Variants in AAMP observed in about 807,000 individuals in gnomAD.
AAMP encodes the protein angio associated migratory cell protein, also known as angio-associated migratory cell protein.
In AAMP, 12 loss-of-function variants were observed where a neutral mutation model predicts 51.1. The ratio of observed to expected loss-of-function variants is 0.23; its 90% CI spans 0.15 to 0.38. The LOEUF is 0.38. Ranked by LOEUF, AAMP falls within the 10% of genes least tolerant of loss-of-function variation. The pLI is 1.00. For synonymous variants in AAMP, 210 were observed against 218.7 expected (o/e 0.96, Z 0.35); for missense variants, 418 against 557.2 (o/e 0.75, Z 2.52).
At position 218,266,167 on chromosome 2, in the gene AAMP, A is replaced by T. The variant is rs370369629; in HGVS notation, c.680-20T>A. ...TCTTCCCTGAAGAGAGGCACAGATG[A>T]AGAGAGGGCAGAGGGCACGCTCACA... On this transcript the variant is annotated intron_variant, in intron 5 of 10. Coordinates refer to ENST00000248450, the MANE Select transcript of AAMP (RefSeq NM_001087.5). The surrounding 1 kb of genome is among the most constrained non-coding windows in gnomAD (Gnocchi z 4.7). The T allele has an allele frequency of 1.7e-4, 271 of 1,609,652 alleles. 1 individual carries two copies. The highest frequency in any genetic ancestry group is 9.9e-4 in the Middle Eastern group (6 of 6,068).
In AAMP at chr2:218,266,885, T is replaced by C; in HGVS notation, c.496A>G (p.Lys166Glu). 3.1e-6 allele frequency: 5 copies of C among 1,614,122 alleles called. No homozygotes were observed. The highest frequency in any genetic ancestry group is 4.2e-6 in the Non-Finnish European group (5 of 1,180,016). The change falls in exon 4 of 11, where the codon AAG becomes GAG. Residue 166 changes from lysine (K) to glutamate (E), a missense_variant. Lys to Glu is a moderately conservative substitution (Grantham distance 56, BLOSUM62 1). Transcript: ENST00000248450. The surrounding 1 kb of genome is among the most constrained non-coding windows in gnomAD (Gnocchi z 4.7). The stretch of plus-strand genomic sequence containing the variant: ...GCTTCAAAGGACCAGACCTCCTCCT[T>C]AGTGTCCACCTGCCACACTTTCAAG... ...GLLKVWQVDTKEEVWSFEAGD... is the reference protein window; with the variant it reads ...GLLKVWQVDTEEEVWSFEAGD...
At chr2:218,264,927 T>G (rs1244889355) in intron 10 of AAMP, 93 bp downstream of exon 10, 4 of 1,567,894 alleles carry the variant, frequency 2.6e-6, no homozygotes, top group Non-Finnish European at 3.5e-6. Context: ...GCCTTAGGAA[T>G]CCCTTCCCAC....
At position 218,265,509 on chromosome 2, in the gene AAMP, A is replaced by G. The variant is rs1192674355; in HGVS notation, c.984-48T>C. ...AAGACTCATGAGGGCCTGGACTCAC[A>G]CGCCCTGCCGTCCTCCCGGGCCCCC... On this transcript the variant is annotated intron_variant, in intron 8 of 10. Transcript: ENST00000248450. This position sits in a 1 kb window ranked among gnomAD's most constrained non-coding sequence, Gnocchi z 6.6. 1 of 1,574,976 alleles carries G rather than the reference A, an allele frequency of 6.3e-7. No homozygotes were observed. The highest frequency in any genetic ancestry group is 1.7e-5 in the Admixed American group (1 of 58,380).
chr2:218,266,666 G>C lies in AAMP; in HGVS notation c.535-79C>G. The C allele has an allele frequency of 6.4e-7, 1 of 1,565,882 alleles. No individual in the cohort carries two copies. Among genetic ancestry groups the C allele is most frequent in the Non-Finnish European group, 8.7e-7 (1 of 1,152,568 alleles). ...AGCCTGCCCCATGAGCTCCACCCAAGGTTTCCTGCCTCTGGGGTTCCGCGG... is the reference window on the plus strand; with the variant it reads ...AGCCTGCCCCATGAGCTCCACCCAACGTTTCCTGCCTCTGGGGTTCCGCGG... On this transcript the variant is annotated intron_variant, in intron 4 of 10. Coordinates refer to ENST00000248450, the MANE Select transcript of AAMP (RefSeq NM_001087.5). This position sits in a 1 kb window ranked among gnomAD's most constrained non-coding sequence, Gnocchi z 4.7.
At chr2:218,264,681 TCCTCC>T in intron 10 of AAMP, 73 bp from the exon 11 acceptor site, 1 of 1,333,794 alleles carries the variant, frequency 7.5e-7, no homozygotes, top group Non-Finnish European at 1.1e-6. Flanking sequence ...TAGGGTGGGC[TCCTCC>T]AGCACACCCT....
chr2:218,267,451 A>G lies in AAMP; in HGVS notation c.394+43T>C. On this transcript the variant is annotated intron_variant, in intron 3 of 10. Transcript: ENST00000248450. This position sits in a 1 kb window ranked among gnomAD's most constrained non-coding sequence, Gnocchi z 4.6. ...CAGGTCAGCCTCCTAAGATCTCCCA[A>G]AAGAATATGACCTCTCCCAGGCCTC... The G allele has an allele frequency of 6.2e-7, 1 of 1,607,940 alleles. No individual in the cohort carries two copies. The highest frequency in any genetic ancestry group is 8.5e-7 in the Non-Finnish European group (1 of 1,175,894).
chr2:218,266,918 T>C lies in AAMP; in HGVS notation c.463A>G (p.Ser155Gly), dbSNP rs1282244602. ...DSTLVATGDMSGLLKVWQVDT... is the reference protein window; with the variant it reads ...DSTLVATGDMGGLLKVWQVDT... ...ACCTGCCACACTTTCAAGAGGCCAC[T>C]CATGTCCCCTGTGGCCACTAGAGTG... The change falls in exon 4 of 11, where the codon AGT becomes GGT. Residue 155 changes from serine to glycine, a missense_variant. Transcript: ENST00000248450. This position sits in a 1 kb window ranked among gnomAD's most constrained non-coding sequence, Gnocchi z 4.7. 7 of 1,614,036 alleles carry C rather than the reference T, an allele frequency of 4.3e-6. No homozygotes were observed.
chr2:218,266,075 T>A lies in AAMP; in HGVS notation c.752A>T (p.His251Leu), dbSNP rs770762630. ...IWDLKQGSPI[H>L]VLKGTEGHQG... ...CCCACCTCTGATACCTTTCAGTACA[T>A]GGATAGGGCTTCCCTGCTTCAGGTC... The change falls in exon 6 of 11, where the codon CAT (histidine) becomes CTT (leucine). Residue 251 changes from histidine to leucine, a missense_variant. By Grantham distance (99) the His-to-Leu change is moderately conservative. Coordinates refer to ENST00000248450, the MANE Select transcript of AAMP (RefSeq NM_001087.5). The surrounding 1 kb of genome is among the most constrained non-coding windows in gnomAD (Gnocchi z 4.7). 1 of 1,614,112 alleles carries A rather than the reference T, an allele frequency of 6.2e-7. No individual in the cohort carries two copies.
In AAMP at chr2:218,266,077, G is replaced by A; in HGVS notation, c.750C>T (p.Ile250=). Residue 250 remains isoleucine, a synonymous_variant, in exon 6 of 11, where the codon ATC becomes ATT. Transcript: ENST00000248450. The surrounding 1 kb of genome is among the most constrained non-coding windows in gnomAD (Gnocchi z 4.7). The part of the protein sequence containing the change: ...RIWDLKQGSP[I]HVLKGTEGHQ... ...CACCTCTGATACCTTTCAGTACATG[G>A]ATAGGGCTTCCCTGCTTCAGGTCCC... The A allele has an allele frequency of 6.2e-7, 1 of 1,614,132 alleles. No homozygotes were observed. The highest frequency in any genetic ancestry group is 8.5e-7 in the Non-Finnish European group (1 of 1,180,000).
In AAMP at chr2:218,266,052, C is replaced by G. The variant is rs369981705; in HGVS notation, c.763+12G>C. On this transcript the variant is annotated intron_variant, in intron 6 of 10. Coordinates refer to ENST00000248450, the MANE Select transcript of AAMP (RefSeq NM_001087.5). The surrounding 1 kb of genome is among the most constrained non-coding windows in gnomAD (Gnocchi z 4.7). ...CAAAGGCCCAGGCTAACACTTCCCCCACCTCTGATACCTTTCAGTACATGG... is the reference window on the plus strand; with the variant it reads ...CAAAGGCCCAGGCTAACACTTCCCCGACCTCTGATACCTTTCAGTACATGG... 7.9e-5 allele frequency: 128 copies of G among 1,613,810 alleles called. No homozygotes were observed. The highest frequency in any genetic ancestry group is 2.2e-4 in the Admixed American group (13 of 60,004).
intron 2 of AAMP, among the ~76,000 whole-genome samples, chr2:218,268,647 T>C (rs998325720): frequency 1.3e-5 from 2 of 151,676 alleles, no homozygotes; most frequent in Admixed American, 6.6e-5. Context: ...TGGCCAATTA[T>C]CTCTAATTTT....
chr2:218,269,653 A>G, intron 1 of AAMP, 119 bp from the exon 2 acceptor site: 1 of 1,548,480 alleles, frequency 6.5e-7, no homozygotes, highest in Non-Finnish European at 8.8e-7. Context: ...GTGGAGTCAG[A>G]CACACCGGGG....
chr2:218,264,994 T>C, intron 10 of AAMP, 26 bp downstream of exon 10: 1 of 1,613,364 alleles, frequency 6.2e-7, no homozygotes, highest in East Asian at 2.2e-5. Flanking sequence ...TACACAAAGA[T>C]CCCAGCCCTT....
At chr2:218,269,705 G>T in intron 1 of AAMP, 171 bp from the exon 2 acceptor site, 1 of 1,197,280 alleles carries the variant, frequency 8.4e-7, no homozygotes, top group Non-Finnish European at 1.2e-6. Flanking sequence ...GGCCACGGCT[G>T]GCCAGAGACC....
intron 10 of AAMP, among the ~76,000 whole-genome samples, 190 bp from the exon 11 acceptor site, chr2:218,264,798 C>T (rs1690582244): frequency 6.6e-6 from 1 of 152,154 alleles, no homozygotes; most frequent in Non-Finnish European, 1.5e-5. Flanking sequence ...GAGCTGACTC[C>T]GATGGGGAAA....
At position 218,266,403 on chromosome 2, in the gene AAMP, T is replaced by C; in HGVS notation, c.679+40A>G. On this transcript the variant is annotated intron_variant, in intron 5 of 10. Coordinates refer to ENST00000248450, the MANE Select transcript of AAMP (RefSeq NM_001087.5). This position sits in a 1 kb window ranked among gnomAD's most constrained non-coding sequence, Gnocchi z 4.7. ...GAGGTGTATATCCCGGGATTCGGCCTCTGCACCCAGGAAAGGTCACTCAAG... is the reference window on the plus strand; with the variant it reads ...GAGGTGTATATCCCGGGATTCGGCCCCTGCACCCAGGAAAGGTCACTCAAG... 1 of 1,603,180 alleles carries C rather than the reference T, an allele frequency of 6.2e-7. No homozygotes were observed. The highest frequency in any genetic ancestry group is 8.5e-7 in the Non-Finnish European group (1 of 1,171,992).
chr2:218,268,947 T>A (rs1403660431), intron 2 of AAMP, among the ~76,000 whole-genome samples: 1 of 152,168 alleles, frequency 6.6e-6, no homozygotes, highest in Non-Finnish European at 1.5e-5. Context: ...TCCGCCTGCC[T>A]GGGCCTCCTA....
In AAMP at chr2:218,266,247, G is replaced by A. The variant is rs1176148832; in HGVS notation, c.680-100C>T. 4 of 1,349,300 alleles carry A rather than the reference G, an allele frequency of 3.0e-6. No homozygotes were observed. Among genetic ancestry groups the A allele is most frequent in the Non-Finnish European group, 4.2e-6 (4 of 953,784 alleles). 83.6% of individuals were successfully genotyped at this position (1,349,300 alleles called of 1,614,324 possible). ...GAGGAAAGAAGAGTGGAAGGGCCCA[G>A]ACACTGCCCCAGGAATCACAGGTGA... On this transcript the variant is annotated intron_variant, in intron 5 of 10. Transcript: ENST00000248450. This position sits in a 1 kb window ranked among gnomAD's most constrained non-coding sequence, Gnocchi z 4.7.
chr2:218,269,832 G>T, intron 1 of AAMP, 134 bp downstream of exon 1: 1 of 1,379,500 alleles, frequency 7.2e-7, no homozygotes, highest in Non-Finnish European at 1.0e-6. Context: ...GTGAGGGTGG[G>T]AGTGGGGGAG....
Sources: allele counts gnomAD v4.1 joint callset (sites outside exome capture counted in the v4.1 genomes callset), GRCh38; gene constraint gnomAD v4.1.1; non-coding constraint Gnocchi (gnomAD v3.1); transcripts MANE v1.5; gene names NCBI Gene and HGNC (gene_info 2026-07-23, HGNC 2026-07-21).